The following GRIK4 variants were observed in gnomAD, a reference collection of about 807,000 sequenced individuals.
GRIK4 encodes the protein glutamate ionotropic receptor kainate type subunit 4.
A neutral mutation model predicts 104.9 loss-of-function variants in GRIK4; 40 were observed. That is an observed-to-expected ratio of 0.38 (90% CI 0.30 to 0.50). The LOEUF (loss-of-function observed/expected upper bound fraction) is 0.50. Ranked by LOEUF, GRIK4 falls within the 20% of genes least tolerant of loss-of-function variation. The pLI, the probability that GRIK4 is intolerant of heterozygous loss-of-function variation, is 0.93. For missense variants in GRIK4, 1,047 were observed against 1,308.1 expected, an observed-to-expected ratio of 0.80 and a Z score of 3.08; for synonymous variants, 485 against 524.9, an observed-to-expected ratio of 0.92 and a Z score of 1.04.
At chr11:120,832,549 T>C (rs1170530478) in intron 7 of GRIK4, among the ~76,000 whole-genome samples, 1 of 152,174 alleles carries the variant, frequency 6.6e-6, no homozygotes, top group African/African-American at 2.4e-5. Flanking sequence ...GTAGGTATAA[T>C]GTCTTCCCTC....
At chr11:120,545,599 C>T (rs1054227187) in intron 1 of GRIK4, among the ~76,000 whole-genome samples, 3 of 152,280 alleles carry the variant, frequency 2.0e-5, no homozygotes, top group Admixed American at 6.5e-5. Flanking sequence ...GGTCACACAG[C>T]GAAGAAGTGA....
chr11:120,588,819 A>G (rs1031247583), intron 1 of GRIK4, among the ~76,000 whole-genome samples: 1 of 152,156 alleles, frequency 6.6e-6, no homozygotes, highest in Non-Finnish European at 1.5e-5. Context: ...CCAATTTGTG[A>G]TAACCAAGCA....
intron 1 of GRIK4, among the ~76,000 whole-genome samples, chr11:120,643,373 C>T (rs1010873544): frequency 3.3e-5 from 5 of 152,174 alleles, no homozygotes; most frequent in Non-Finnish European, 7.4e-5. Context: ...AGCTCAAGCA[C>T]AGGCCCCAAG....
intron 1 of GRIK4, among the ~76,000 whole-genome samples, chr11:120,595,843 G>A (rs2135120545): frequency 6.6e-6 from 1 of 152,188 alleles, no homozygotes; most frequent in Middle Eastern, 3.4e-3. Context: ...GATTGCTTTT[G>A]TATTTATTAT....
chr11:120,891,374 A>C (rs1040008911), intron 11 of GRIK4, among the ~76,000 whole-genome samples: 1 of 152,232 alleles, frequency 6.6e-6, no homozygotes, highest in Admixed American at 6.5e-5. Flanking sequence ...AGAATAGCAC[A>C]GTGGTTAGGA....
At chr11:120,676,269 G>T (rs559995036) in intron 3 of GRIK4, among the ~76,000 whole-genome samples, 4 of 152,118 alleles carry the variant, frequency 2.6e-5, no homozygotes, top group Non-Finnish European at 4.4e-5. Context: ...CATGAGATTC[G>T]ATTGAATCTC....
chr11:120,982,257 T>C, intron 20 of GRIK4, 33 bp downstream of exon 20: 1 of 1,139,688 alleles, frequency 8.8e-7, no homozygotes, highest in Non-Finnish European at 1.3e-6. Context: ...TCGATCGTGT[T>C]GGCAGATGGG....
chr11:120,658,805 G>A (rs1310400536), intron 2 of GRIK4, among the ~76,000 whole-genome samples: 3 of 127,300 alleles, frequency 2.4e-5, no homozygotes, highest in African/African-American at 8.4e-5. Flanking sequence ...CTGCAGTGCA[G>A]TGGCACGATC....
At chr11:120,744,531 G>A (rs1423633724) in intron 3 of GRIK4, among the ~76,000 whole-genome samples, 1 of 152,196 alleles carries the variant, frequency 6.6e-6, no homozygotes, top group Admixed American at 6.5e-5. Context: ...CAGGCCCTGG[G>A]CAAAGGGGGC....
intron 1 of GRIK4, among the ~76,000 whole-genome samples, chr11:120,644,916 A>G (rs560894178): frequency 6.6e-6 from 1 of 152,296 alleles, no homozygotes; most frequent in East Asian, 1.9e-4. Context: ...AGAGGACAAA[A>G]AAGAAAAAAA....
At chr11:120,890,887 G>A (rs1046740001) in intron 11 of GRIK4, among the ~76,000 whole-genome samples, 5 of 152,196 alleles carry the variant, frequency 3.3e-5, no homozygotes, top group African/African-American at 1.2e-4. Flanking sequence ...TGGGGTTACG[G>A]TGGCCTCCCT....
chr11:120,822,513 A>C (rs529855184), intron 6 of GRIK4, among the ~76,000 whole-genome samples: 4 of 152,240 alleles, frequency 2.6e-5, no homozygotes, highest in Non-Finnish European at 5.9e-5. Flanking sequence ...TGACCAAAGC[A>C]GTAGCCACAA....
intron 3 of GRIK4, among the ~76,000 whole-genome samples, chr11:120,683,939 T>C (rs1950237002): frequency 6.6e-6 from 1 of 152,254 alleles, no homozygotes; most frequent in African/African-American, 2.4e-5. Context: ...TGTTGGAAGA[T>C]TCTGAACACA....
chr11:120,742,345 C>CA (rs755002657), intron 3 of GRIK4, among the ~76,000 whole-genome samples: 17,202 of 73,814 alleles, frequency 0.23, 1,372 homozygotes, highest in Middle Eastern at 0.29. Context: ...GACTCCGTTT[C>CA]AAAAAAAAAA....
chr11:120,783,246 A>G (rs1952196887), intron 3 of GRIK4, among the ~76,000 whole-genome samples: 1 of 152,206 alleles, frequency 6.6e-6, no homozygotes, highest in Non-Finnish European at 1.5e-5. Flanking sequence ...CTTTGGCCAC[A>G]GAGTGGGAAG....
chr11:120,962,515 C>A lies in GRIK4; in HGVS notation c.2100C>A (p.Ser700Arg), dbSNP rs765480588. 1.2e-6 allele frequency: 2 copies of A among 1,613,970 alleles called. No homozygotes were observed. Among genetic ancestry groups the A allele is most frequent in the East Asian group, 4.5e-5 (2 of 44,902 alleles). ...MWNYMYSKQP[S>R]VFVKSTEEGI... ...ATTACATGTATTCCAAGCAGCCCAG[C>A]GTGTTCGTGAAGAGCACAGAGGAGG... The change falls in exon 18 of 21, where the codon AGC (serine) becomes AGA (arginine). Residue 700 changes from serine (S) to arginine (R), a missense_variant. Physicochemically the swap from Ser to Arg is moderately radical, Grantham distance 110. Transcript: ENST00000527524.
chr11:120,951,264 T>C (rs1168592822), intron 14 of GRIK4, among the ~76,000 whole-genome samples: 3 of 152,174 alleles, frequency 2.0e-5, no homozygotes, highest in Non-Finnish European at 4.4e-5. Flanking sequence ...TCACCCATGA[T>C]GGGGGCTATG....
chr11:120,655,190 G>T (rs1210898271), intron 2 of GRIK4, among the ~76,000 whole-genome samples: 2 of 151,840 alleles, frequency 1.3e-5, no homozygotes, highest in African/African-American at 4.8e-5. Flanking sequence ...GGCATGTTAG[G>T]GTATGGTGGC....
intron 4 of GRIK4, among the ~76,000 whole-genome samples, chr11:120,806,278 G>A (rs539135980): frequency 1.3e-5 from 2 of 152,250 alleles, no homozygotes; most frequent in South Asian, 2.1e-4. Context: ...GGCTGTTCTC[G>A]AGTGGCCTGC....
Sources: gnomAD v4.1 joint callset for allele counts (sites outside exome capture counted in the v4.1 genomes callset) on GRCh38, gnomAD v4.1.1 for gene constraint, MANE v1.5 for transcripts, NCBI Gene and HGNC (gene_info 2026-07-23, HGNC 2026-07-21) for gene names.